AQP9: variants seen among roughly 807,000 people sequenced by gnomAD.
AQP9 encodes aquaporin-9.
In AQP9, 19 loss-of-function variants were observed where a neutral mutation model predicts 23.8. That is an observed-to-expected ratio of 0.80 (90% CI 0.56 to 1.17). AQP9 has a LOEUF of 1.17. Ranked by LOEUF, AQP9 falls within the 50% of genes most tolerant of loss-of-function variation. The pLI, the probability that AQP9 is intolerant of heterozygous loss-of-function variation, is 0.00. For missense variants in AQP9, 413 were observed against 362.0 expected (o/e 1.14, Z -1.14); for synonymous variants, 153 against 131.5 (o/e 1.16, Z -1.12).
chr15:58,138,193 G>A (rs547176007), upstream of AQP9: 261 of 158,922 alleles, frequency 1.6e-3, no homozygotes, highest in African/African-American at 5.6e-3. Context: ...ACCAGGGCCC[G>A]TCACTGTGAT....
intron 1 of AQP9, among the ~76,000 whole-genome samples, chr15:58,161,027 G>A (rs568967828): frequency 3.9e-5 from 6 of 152,224 alleles, no homozygotes; most frequent in African/African-American, 1.4e-4. Context: ...ATGAGGTAAG[G>A]CAATGGAGAG....
At chr15:58,171,417 C>T (rs1898619032) in intron 2 of AQP9, among the ~76,000 whole-genome samples, 1 of 152,104 alleles carries the variant, frequency 6.6e-6, no homozygotes, top group Admixed American at 6.6e-5. Flanking sequence ...CAATGGCTAC[C>T]TCCAGGCAGC....
chr15:58,182,128 C>A (rs1898902279), intron 5 of AQP9, among the ~76,000 whole-genome samples: 1 of 152,194 alleles, frequency 6.6e-6, no homozygotes, highest in Non-Finnish European at 1.5e-5. Flanking sequence ...GCCAAAGACT[C>A]TTGGTTTTTC....
chr15:58,162,179 G>T (rs1227073112), intron 1 of AQP9, among the ~76,000 whole-genome samples: 1 of 152,162 alleles, frequency 6.6e-6, no homozygotes, highest in Non-Finnish European at 1.5e-5. Context: ...TCATTTCTGG[G>T]CTCTGTGTTT....
intron 4 of AQP9, among the ~76,000 whole-genome samples, chr15:58,178,345 T>C (rs559420076): frequency 6.6e-6 from 1 of 152,318 alleles, no homozygotes; most frequent in Admixed American, 6.5e-5. Flanking sequence ...GGCTATACAG[T>C]AGACTAAAAA....
chr15:58,157,168 G>A (rs1224462180), intron 1 of AQP9, among the ~76,000 whole-genome samples: 1 of 152,054 alleles, frequency 6.6e-6, no homozygotes, highest in African/African-American at 2.4e-5. Context: ...GGATATTTTT[G>A]ATTAATAATT....
chr15:58,151,178 T>C (rs1359269251), intron 1 of AQP9: 1 of 152,150 alleles, frequency 6.6e-6, no homozygotes, highest in Non-Finnish European at 1.5e-5. Context: ...CTTATAACTT[T>C]AAATATACAT....
intron 2 of AQP9, among the ~76,000 whole-genome samples, chr15:58,170,285 T>C (rs1243952798): frequency 1.3e-5 from 2 of 152,106 alleles, no homozygotes; most frequent in African/African-American, 4.8e-5. Flanking sequence ...TCTCCAGCCC[T>C]TTTCCTCATT....
At chr15:58,151,910 GCCTAC>G (rs1202316651) in intron 1 of AQP9, 1 of 151,938 alleles carries the variant, frequency 6.6e-6, no homozygotes, top group Non-Finnish European at 1.5e-5. Context: ...AGAATATATA[GCCTAC>G]CCCTTCCTCA....
At chr15:58,139,162 T>A (rs1566978489) in intron 1 of AQP9, among the ~76,000 whole-genome samples, 1 of 152,224 alleles carries the variant, frequency 6.6e-6, no homozygotes, top group Admixed American at 6.5e-5. Flanking sequence ...TGCTGTCAGA[T>A]CACTTGATTT....
At chr15:58,183,242 C>T (rs1284932908) in intron 5 of AQP9, among the ~76,000 whole-genome samples, 2 of 152,142 alleles carry the variant, frequency 1.3e-5, no homozygotes, top group Non-Finnish European at 2.9e-5. Context: ...AATTTGTTTG[C>T]TTTCCTGATC....
chr15:58,173,616 A>G (rs1197594510), intron 3 of AQP9, among the ~76,000 whole-genome samples: 2 of 152,200 alleles, frequency 1.3e-5, no homozygotes, highest in African/African-American at 4.8e-5. Context: ...GAGACACAGC[A>G]GAGATGTGGG....
At chr15:58,173,441 G>A (rs1419865295) in intron 3 of AQP9, among the ~76,000 whole-genome samples, 3 of 152,166 alleles carry the variant, frequency 2.0e-5, no homozygotes, top group Non-Finnish European at 4.4e-5. Context: ...GCCTGTCTTT[G>A]TGCCAAGCCA....
chr15:58,138,911 G>A (rs1209336096), intron 1 of AQP9: 4 of 431,566 alleles, frequency 9.3e-6, no homozygotes, highest in Admixed American at 4.0e-5. Context: ...AAGAGAAGGA[G>A]TGAGTGAAGT....
chr15:58,163,548 G>A (rs1269120946), intron 1 of AQP9, among the ~76,000 whole-genome samples: 2 of 152,080 alleles, frequency 1.3e-5, no homozygotes, highest in Non-Finnish European at 2.9e-5. Context: ...GAGTACAAAC[G>A]CTACAGTTGA....
chr15:58,179,249 C>A lies in AQP9; in HGVS notation c.617C>A (p.Ser206Tyr). ...CTCCTGATTATTGTCATTGCTTCCT[C>A]CCTGGGACTGAACAGTGGCTGTGCC... is the stretch of plus-strand genomic sequence containing the variant. ...IGLLIIVIAS[S>Y]LGLNSGCAMN... Residue 206 changes from serine to tyrosine, a missense_variant, in exon 5 of 6, where the codon TCC (serine) becomes TAC (tyrosine). Transcript: ENST00000219919. 1 of 1,614,186 alleles carries A rather than the reference C, an allele frequency of 6.2e-7. No individual in the cohort carries two copies. Among genetic ancestry groups the A allele is most frequent in the Non-Finnish European group, 8.5e-7 (1 of 1,180,024 alleles).
At chr15:58,147,025 C>A (rs1193148500) in intron 1 of AQP9, 1 of 152,310 alleles carries the variant, frequency 6.6e-6, no homozygotes, top group Non-Finnish European at 1.5e-5. Flanking sequence ...GAGGACCAGG[C>A]TCACCTGGGA....
chr15:58,162,251 C>A (rs536563600), intron 1 of AQP9, among the ~76,000 whole-genome samples: 5 of 152,176 alleles, frequency 3.3e-5, no homozygotes, highest in Admixed American at 3.3e-4. Flanking sequence ...TCCGAGGAGA[C>A]GCAGAGATCA....
chr15:58,138,742 G>A (rs2140577974), intron 1 of AQP9, 66 bp downstream of exon 1: 1 of 1,390,970 alleles, frequency 7.2e-7, no homozygotes, highest in East Asian at 2.3e-5. Context: ...GGCTGGTAGT[G>A]GAGAGTTTTG....
Sources: allele counts gnomAD v4.1 joint callset (sites outside exome capture counted in the v4.1 genomes callset), GRCh38; gene constraint gnomAD v4.1.1; transcripts MANE v1.5; gene names NCBI Gene and HGNC (gene_info 2026-07-23, HGNC 2026-07-21).